Variants in CHD1 observed in about 807,000 individuals in gnomAD.
CHD1 encodes the protein chromodomain helicase DNA binding protein 1.
A neutral mutation model predicts 224.2 loss-of-function variants in CHD1; 36 were observed. That is an observed-to-expected ratio of 0.16 (90% CI 0.12 to 0.21). The LOEUF (loss-of-function observed/expected upper bound fraction) is 0.21, where lower values mean the gene tolerates loss of function less well. CHD1 is among the 10% of genes least tolerant of loss of function. The probability of loss-of-function intolerance (pLI) is 1.00; values close to 1 mark genes in which losing one functional copy is unlikely to be tolerated. For synonymous variants in CHD1, 668 were observed against 658.3 expected (o/e 1.01, Z -0.23); for missense variants, 1,378 against 1,994.8 (o/e 0.69, Z 5.89).
rs1750852655 is a variant in CHD1, at chr5:98,889,311, A to C, written c.2181-73T>G. On this transcript the variant is annotated intron_variant, in intron 15 of 35. Transcript: ENST00000614616. ...GGATAAATTCTAAAAGCATTAAAAC[A>C]AACAAAAAAAGCCAACGATAGTACC... is the stretch of plus-strand genomic sequence containing the variant. 8.3e-6 allele frequency: 10 copies of C among 1,208,758 alleles called. 1 individual carries two copies. In the South Asian group the frequency reaches 1.6e-4, roughly 19 times the overall value. 74.9% of individuals were successfully genotyped at this position (1,208,758 alleles called of 1,614,324 possible).
At chr5:98,892,070 T>C (rs1465969458) in intron 15 of CHD1, among the ~76,000 whole-genome samples, 3 of 152,206 alleles carry the variant, frequency 2.0e-5, no homozygotes, top group Non-Finnish European at 4.4e-5. Flanking sequence ...AGATTTTCCT[T>C]TCTGATTCTT....
At chr5:98,874,715 A>G (rs1749619601) in intron 25 of CHD1, among the ~76,000 whole-genome samples, 2 of 151,110 alleles carry the variant, frequency 1.3e-5, no homozygotes, top group Non-Finnish European at 1.5e-5. Flanking sequence ...CCATTTAAAA[A>G]GAAAAAAAAA....
In CHD1 at chr5:98,911,144, A is replaced by T. The variant is rs868694318; in HGVS notation, c.54-6046T>A. ...TGTGCTAAAATGAAAAAAAAAAAAA[A>T]AAATATATATATATATATATATATA... On this transcript the variant is annotated intron_variant, in intron 2 of 35. Transcript: ENST00000614616. Among the ~76,000 whole-genome samples, 581 of 73,280 alleles carry T rather than the reference A, an allele frequency of 7.9e-3. 1 individual carries two copies. Among genetic ancestry groups the T allele is most frequent in the Non-Finnish European group, 9.4e-3 (363 of 38,466 alleles). The allele number at this position is 73,280 out of a possible 152,430, so 48.1% of individuals were successfully genotyped here. A position where few individuals can be genotyped will look rare whatever the true frequency, so the allele number is the denominator to read the frequency against.
chr5:98,870,176 T>C (rs761330094), intron 29 of CHD1, among the ~76,000 whole-genome samples: 1 of 152,230 alleles, frequency 6.6e-6, no homozygotes, highest in Non-Finnish European at 1.5e-5. Flanking sequence ...CTTAATTCTA[T>C]AGCACAAGAG....
chr5:98,868,973 A>G (rs1749113536), intron 30 of CHD1: 1 of 800,912 alleles, frequency 1.2e-6, no homozygotes, highest in South Asian at 5.8e-5. Flanking sequence ...AAATATGCTG[A>G]TTGTTTTTAC....
intron 24 of CHD1, 79 bp from the exon 25 acceptor site, chr5:98,875,192 T>C: frequency 2.5e-6 from 2 of 812,400 alleles, no homozygotes; most frequent in Non-Finnish European, 4.0e-6. Context: ...TTTACAGATA[T>C]AAGAAAATAC....
Position 98,856,303 on chromosome 5 carries a change from C to T in CHD1, c.*77G>A. On this transcript the variant is annotated 3_prime_UTR_variant, in exon 36 of 36. Coordinates refer to ENST00000614616, the MANE Select transcript of CHD1 (RefSeq NM_001270.4). ...GAAGATCTGTTTATATCTTTCAAGT[C>T]ATGTAAGGCAATTACTGTGTTGGTT... 9.7e-7 allele frequency: 1 copy of T among 1,026,816 alleles called. No homozygotes were observed. The highest frequency in any genetic ancestry group is 1.5e-6 in the Non-Finnish European group (1 of 679,246). 63.6% of individuals were successfully genotyped at this position (1,026,816 alleles called of 1,614,324 possible).
rs1561470771 is a variant in CHD1, at chr5:98,856,518, T to C, written c.4995A>G (p.Gln1665=). 4 of 1,613,938 alleles carry C rather than the reference T, an allele frequency of 2.5e-6. No homozygotes were observed. Among genetic ancestry groups the C allele is most frequent in the Non-Finnish European group, 2.5e-6 (3 of 1,179,852 alleles). The change falls in exon 36 of 36, where the codon CAA becomes CAG. Residue 1665 remains glutamine, a synonymous_variant. Coordinates refer to ENST00000614616, the MANE Select transcript of CHD1 (RefSeq NM_001270.4). Reference sequence around the variant, plus strand: ...CACTGCTGGAAGCTCTGTGGTCCATTTGCCAGTCTGAGTGATACCTATAAT... The same window carrying C: ...CACTGCTGGAAGCTCTGTGGTCCATCTGCCAGTCTGAGTGATACCTATAAT... ...SRDYRYHSDW[Q]MDHRASSSGP... is the part of the protein sequence containing the mutation.
intron 2 of CHD1, among the ~76,000 whole-genome samples, chr5:98,925,857 A>G (rs983613985): frequency 6.0e-5 from 9 of 151,116 alleles, no homozygotes; most frequent in African/African-American, 2.2e-4. Context: ...AAATATATCT[A>G]GTATGACTAA....
intron 11 of CHD1, among the ~76,000 whole-genome samples, chr5:98,896,842 G>A (rs182276234): frequency 2.0e-5 from 3 of 150,096 alleles, no homozygotes; most frequent in Non-Finnish European, 4.4e-5. Context: ...AAAGTAGAGT[G>A]GGGGCCATAG....
intron 2 of CHD1, among the ~76,000 whole-genome samples, chr5:98,913,875 AAAGG>A (rs1385553171): frequency 2.0e-5 from 3 of 152,230 alleles, no homozygotes; most frequent in Admixed American, 6.5e-5. Flanking sequence ...TGGAGAACTG[AAAGG>A]AAGTTCAGAA....
intron 2 of CHD1, among the ~76,000 whole-genome samples, chr5:98,915,342 T>C (rs1752670187): frequency 6.6e-6 from 1 of 152,192 alleles, no homozygotes; most frequent in African/African-American, 2.4e-5. Flanking sequence ...AAGTACAATA[T>C]GATTCTATCT....
In CHD1 at chr5:98,885,286, T is replaced by A. The variant is rs538375332; in HGVS notation, c.2568+292A>T. 1.6e-4 allele frequency among the ~76,000 whole-genome samples: 24 copies of A among 152,090 alleles called. No homozygotes were observed. In the South Asian group the frequency reaches 4.8e-3, roughly 30 times the overall value. ...ACGCGCCTGTAATCCCAGCTACTTG[T>A]GAGGCTGAGGCAGGAGAATAGCTTG... On this transcript the variant is annotated intron_variant, in intron 18 of 35. Coordinates refer to ENST00000614616, the MANE Select transcript of CHD1 (RefSeq NM_001270.4).
At chr5:98,892,181 GTTTC>G (rs773120199) in intron 15 of CHD1, among the ~76,000 whole-genome samples, 6 of 152,026 alleles carry the variant, frequency 3.9e-5, no homozygotes, top group Non-Finnish European at 8.8e-5. Flanking sequence ...TTTTTTCTAA[GTTTC>G]TTTTTTTGGC....
At chr5:98,911,146 A>ATCTATATATATATATATAT (rs1554081078) in intron 2 of CHD1, among the ~76,000 whole-genome samples, 1 of 39,142 alleles carries the variant, frequency 2.6e-5, no homozygotes, top group South Asian at 1.0e-3. Context: ...AAAAAAAAAA[A>ATCTATATATATATATATAT]ATATATATAT....
chr5:98,888,267 TGTTAA>T, intron 16 of CHD1, 27 bp from the exon 17 acceptor site: 1 of 1,561,732 alleles, frequency 6.4e-7, no homozygotes. Context: ...AGTTGTTATA[TGTTAA>T]AAGACATAAA....
In CHD1 at chr5:98,918,789, C is replaced by T. The variant is rs1752914290; in HGVS notation, c.53+7545G>A. On this transcript the variant is annotated intron_variant, in intron 2 of 35. Coordinates refer to ENST00000614616, the MANE Select transcript of CHD1 (RefSeq NM_001270.4). ...AAAAACAAAAAAAAAAACTTCCTCT[C>T]CAACACCCTTCTGAATATATATCAT... Among the ~76,000 whole-genome samples the T allele has an allele frequency of 3.3e-5, 5 of 151,356 alleles. No individual in the cohort carries two copies. In the South Asian group the frequency reaches 1.0e-3, roughly 32 times the overall value.
intron 31 of CHD1, among the ~76,000 whole-genome samples, chr5:98,868,023 A>G (rs946172751): frequency 4.0e-5 from 6 of 151,292 alleles, no homozygotes; most frequent in African/African-American, 1.5e-4. Flanking sequence ...TTGATCTCAA[A>G]CTCCTAACCT....
chr5:98,898,184 G>A (rs1751466558), intron 10 of CHD1, 72 bp downstream of exon 10: 1 of 836,032 alleles, frequency 1.2e-6, no homozygotes, highest in Non-Finnish European at 1.6e-6. Flanking sequence ...TCCAACTCTT[G>A]TATTTAGGCT....
Sources: allele counts gnomAD v4.1 joint callset (sites outside exome capture counted in the v4.1 genomes callset), GRCh38; gene constraint gnomAD v4.1.1; transcripts MANE v1.5; gene names NCBI Gene and HGNC (gene_info 2026-07-23, HGNC 2026-07-21).